CHRDL2: variants seen among roughly 807,000 people sequenced by gnomAD.
CHRDL2 encodes the protein chordin-like protein 2.
A neutral mutation model predicts 54.3 loss-of-function variants in CHRDL2; 41 were observed. The observed-to-expected ratio is 0.76, with a 90% CI of 0.59 to 0.98. The LOEUF (loss-of-function observed/expected upper bound fraction) is 0.98, where lower values mean the gene tolerates loss of function less well. CHRDL2 is among the 50% of genes least tolerant of loss of function. The pLI, the probability that CHRDL2 is intolerant of heterozygous loss-of-function variation, is 0.00. For synonymous variants in CHRDL2, 220 were observed against 224.3 expected, an observed-to-expected ratio of 0.98 and a Z score of 0.17; for missense variants, 518 against 562.4, an observed-to-expected ratio of 0.92 and a Z score of 0.80.
intron 9 of CHRDL2, chr11:74,701,747 A>G (rs576756393): frequency 4.6e-5 from 25 of 546,338 alleles, no homozygotes; most frequent in Non-Finnish European, 6.0e-5. Context: ...TGCTACACAC[A>G]TTGGTTATTA....
chr11:74,703,306 T>A lies in CHRDL2; in HGVS notation c.945A>T (p.Pro315=). Residue 315 remains proline (P), a splice_region_variant and synonymous_variant, in exon 8 of 11, where the codon CCA becomes CCT. Transcript: ENST00000376332. ...KVAGKCCKIC[P]EDKADPGHSE... Reference sequence around the variant, plus strand: ...CTTGCTCCCAGTGCCCCTGTGTACCTGGGCAAATCTTGCAGCACTTCCCAG... The same window carrying A: ...CTTGCTCCCAGTGCCCCTGTGTACCAGGGCAAATCTTGCAGCACTTCCCAG... 1 of 1,597,848 alleles carries A rather than the reference T, an allele frequency of 6.3e-7. No individual in the cohort carries two copies. The highest frequency in any genetic ancestry group is 1.1e-5 in the South Asian group (1 of 89,546).
At chr11:74,716,118 G>A (rs2034343688) in intron 2 of CHRDL2, among the ~76,000 whole-genome samples, 1 of 152,144 alleles carries the variant, frequency 6.6e-6, no homozygotes, top group Non-Finnish European at 1.5e-5. Flanking sequence ...AGAAGGAACT[G>A]TTCGTGAGAA....
chr11:74,721,640 C>T (rs114151455), intron 1 of CHRDL2, among the ~76,000 whole-genome samples: 97 of 152,386 alleles, frequency 6.4e-4, no homozygotes, highest in African/African-American at 2.1e-3. Flanking sequence ...AACTGCCAGA[C>T]GGCGACAGGC....
chr11:74,697,730 G>A (rs914139137), intron 9 of CHRDL2: 1 of 344,096 alleles, frequency 2.9e-6, no homozygotes, highest in Non-Finnish European at 5.8e-6. Flanking sequence ...CCTGTCCCCA[G>A]TGCAGGGAGG....
chr11:74,723,102 T>C (rs1161811913), intron 1 of CHRDL2, among the ~76,000 whole-genome samples: 1 of 152,118 alleles, frequency 6.6e-6, no homozygotes, highest in Non-Finnish European at 1.5e-5. Flanking sequence ...TTTGAGATCA[T>C]GCTGGACCTG....
chr11:74,712,459 C>T (rs189273890), intron 3 of CHRDL2, among the ~76,000 whole-genome samples: 2 of 152,160 alleles, frequency 1.3e-5, no homozygotes, highest in Non-Finnish European at 2.9e-5. Context: ...GGTGAGGCCC[C>T]CCAGAGTCGG....
intron 1 of CHRDL2, chr11:74,720,232 T>C (rs4944943): frequency 0.36 from 55,423 of 152,482 alleles, 10,771 homozygotes; most frequent in East Asian, 0.54. Context: ...GACCCTTAGT[T>C]GAATGCTATT....
In CHRDL2 at chr11:74,696,524, T is replaced by C. The variant is rs1591342326; in HGVS notation, c.1275A>G (p.Lys425=). The C allele has an allele frequency of 6.2e-7, 1 of 1,614,044 alleles. No individual in the cohort carries two copies. Among genetic ancestry groups the C allele is most frequent in the Non-Finnish European group, 8.5e-7 (1 of 1,179,888 alleles). The change falls in exon 11 of 11, where the codon AAA becomes AAG. Residue 425 remains lysine (K), a synonymous_variant. Transcript: ENST00000376332. ...TAGGTCTTTGTTATGTCTTGGTCAC[T>C]TTGTCTGGACTGGCCGTGACCTTCA... ...LELKVTASPD[K]VTKT
At chr11:74,709,506 C>T (rs2034117209) in intron 4 of CHRDL2, among the ~76,000 whole-genome samples, 1 of 152,210 alleles carries the variant, frequency 6.6e-6, no homozygotes, top group African/African-American at 2.4e-5. Flanking sequence ...TTTCTATGAA[C>T]CTGGTGACAC....
At chr11:74,726,133 A>G (rs2034567798) in intron 1 of CHRDL2, among the ~76,000 whole-genome samples, 1 of 152,174 alleles carries the variant, frequency 6.6e-6, no homozygotes, top group African/African-American at 2.4e-5. Flanking sequence ...GGAGAGAACT[A>G]TCAAACCAGG....
At position 74,713,477 on chromosome 11, in the gene CHRDL2, G is replaced by A. The variant is rs148649478; in HGVS notation, c.198C>T (p.Gly66=). The A allele has an allele frequency of 6.1e-4, 984 of 1,613,602 alleles. No individual in the cohort carries two copies. The highest frequency in any genetic ancestry group is 7.9e-4 in the Non-Finnish European group (936 of 1,179,692). The change falls in exon 3 of 11, where the codon GGC becomes GGT. Residue 66 remains glycine (G), a splice_region_variant and synonymous_variant. Coordinates refer to ENST00000376332, the MANE Select transcript of CHRDL2 (RefSeq NM_001278473.3). ...MYCLRCTCSE[G]AHVSCYRLHC... ...GGAGGCGGTAACAACTCACATGGGCGCCCTGAAGGGGACACAAGGGTCAGC... is the reference window on the plus strand; with the variant it reads ...GGAGGCGGTAACAACTCACATGGGCACCCTGAAGGGGACACAAGGGTCAGC...
At chr11:74,718,489 G>A (rs918611823) in intron 2 of CHRDL2, among the ~76,000 whole-genome samples, 1 of 152,180 alleles carries the variant, frequency 6.6e-6, no homozygotes, top group East Asian at 1.9e-4. Context: ...GGAGACCAGG[G>A]CCCTCATCCC....
chr11:74,725,678 A>G (rs1465183765), intron 1 of CHRDL2, among the ~76,000 whole-genome samples: 1 of 152,180 alleles, frequency 6.6e-6, no homozygotes, highest in African/African-American at 2.4e-5. Context: ...GAAGCAGAAA[A>G]GACAACTAGA....
At chr11:74,696,642 G>GAGGC (rs1476610886) in intron 10 of CHRDL2, 57 bp from the exon 11 acceptor site, 46 of 1,294,500 alleles carry the variant, frequency 3.6e-5, no homozygotes, top group Admixed American at 5.1e-5. Context: ...GTGCACAACA[G>GAGGC]AGGCAGCAGC....
At chr11:74,715,684 T>C (rs538820568) in intron 2 of CHRDL2, among the ~76,000 whole-genome samples, 1 of 148,986 alleles carries the variant, frequency 6.7e-6, no homozygotes, top group Admixed American at 6.7e-5. Flanking sequence ...TTATGATATA[T>C]AATAAAATAG....
Position 74,729,414 on chromosome 11 carries a change from G to A in CHRDL2, c.82+1393C>T, listed in dbSNP as rs182343667. ...TTAGTATCTCTCTTAGACAGATTAG[G>A]AAATTGAGGCTCAGAGAAGTTATGA... On this transcript the variant is annotated intron_variant, in intron 1 of 10. Transcript: ENST00000376332. 7.2e-5 allele frequency among the ~76,000 whole-genome samples: 11 copies of A among 152,350 alleles called. No homozygotes were observed. The East Asian group carries it at 1.9e-3, about 27-fold the overall frequency.
At chr11:74,720,490 A>G (rs1434878553) in intron 1 of CHRDL2, among the ~76,000 whole-genome samples, 1 of 151,852 alleles carries the variant, frequency 6.6e-6, no homozygotes, top group Non-Finnish European at 1.5e-5. Flanking sequence ...ACACAATTCC[A>G]GGGCCTAAAG....
intron 7 of CHRDL2, among the ~76,000 whole-genome samples, chr11:74,704,269 A>C (rs2033927434): frequency 6.6e-6 from 1 of 152,154 alleles, no homozygotes; most frequent in Admixed American, 6.5e-5. Flanking sequence ...CAATACTCTG[A>C]ACCTCAGTGT....
chr11:74,703,528 G>T, intron 7 of CHRDL2, 29 bp from the exon 8 acceptor site: 1 of 1,522,518 alleles, frequency 6.6e-7, no homozygotes, highest in South Asian at 1.3e-5. Context: ...AAGGAAGGAG[G>T]ATCAGGGCCT....
Sources: allele counts gnomAD v4.1 joint callset (sites outside exome capture counted in the v4.1 genomes callset), GRCh38; gene constraint gnomAD v4.1.1; transcripts MANE v1.5; gene names NCBI Gene and HGNC (gene_info 2026-07-23, HGNC 2026-07-21).